ABLIM1: variants seen among roughly 807,000 people sequenced by gnomAD.
The protein encoded by ABLIM1 is actin binding LIM protein 1.
Under a neutral mutation model 107.0 loss-of-function variants are expected in ABLIM1, and 40 were observed. The ratio of observed to expected loss-of-function variants is 0.37; its 90% confidence interval spans 0.29 to 0.49. The LOEUF (loss-of-function observed/expected upper bound fraction) is 0.49, where lower values mean the gene tolerates loss of function less well. ABLIM1 is among the 20% of genes least tolerant of loss of function. The pLI is 0.97. For missense variants in ABLIM1, 857 were observed against 1,008.5 expected (o/e 0.85, Z 2.04); for synonymous variants, 357 against 357.3 (o/e 1.00, Z 0.01).
chr10:114,598,295 A>AAAG (rs71007479), intron 2 of ABLIM1, among the ~76,000 whole-genome samples: 1 of 149,602 alleles, frequency 6.7e-6, no homozygotes, highest in African/African-American at 2.5e-5. Context: ...AAAAAAAAAA[A>AAAG]GGAAATGTGC....
At chr10:114,596,299 A>C (rs2075407497) in intron 2 of ABLIM1, among the ~76,000 whole-genome samples, 1 of 152,176 alleles carries the variant, frequency 6.6e-6, no homozygotes, top group South Asian at 2.1e-4. Context: ...AATGTTGCTT[A>C]CTTGTACGTC....
intron 2 of ABLIM1, among the ~76,000 whole-genome samples, chr10:114,600,353 T>C (rs2075857171): frequency 6.6e-6 from 1 of 152,166 alleles, no homozygotes; most frequent in Non-Finnish European, 1.5e-5. Context: ...TTGTAACGCT[T>C]GTCATGCGCT....
intron 1 of ABLIM1, among the ~76,000 whole-genome samples, chr10:114,672,420 C>T (rs117365489): frequency 0.047 from 7,208 of 152,178 alleles, 218 homozygotes; most frequent in Middle Eastern, 0.082. Context: ...AGAGTGGTCT[C>T]GAGCTCCTGA....
intron 13 of ABLIM1, 106 bp from the exon 14 acceptor site, chr10:114,451,777 A>C: frequency 1.1e-6 from 1 of 944,332 alleles, no homozygotes; most frequent in South Asian, 1.6e-5. Flanking sequence ...GAACAAAAAC[A>C]ACCCAGAAGG....
chr10:114,553,574 A>C (rs1258788632), intron 4 of ABLIM1, among the ~76,000 whole-genome samples: 1 of 152,164 alleles, frequency 6.6e-6, no homozygotes, highest in Non-Finnish European at 1.5e-5. Context: ...ACAGCAGGAG[A>C]GTGGTGTTCC....
intron 1 of ABLIM1, among the ~76,000 whole-genome samples, chr10:114,610,107 C>T (rs58243272): frequency 0.013 from 1,965 of 152,262 alleles, 39 homozygotes; most frequent in African/African-American, 0.044. Flanking sequence ...TGCCCACCTG[C>T]GTCATCATTC....
At chr10:114,562,001 T>C (rs17092059) in intron 4 of ABLIM1, among the ~76,000 whole-genome samples, 2,815 of 152,300 alleles carry the variant, frequency 0.018, 79 homozygotes, top group African/African-American at 0.064. Flanking sequence ...ATATTACTGT[T>C]CCTCTTTGCA....
At chr10:114,448,456 CTCTCCTAG>C (rs1565273048) in intron 14 of ABLIM1, among the ~76,000 whole-genome samples, 1 of 152,142 alleles carries the variant, frequency 6.6e-6, no homozygotes, top group Admixed American at 6.5e-5. Context: ...GTGGACAACA[CTCTCCTAG>C]AGTAATTAGT....
At chr10:114,565,643 A>AT (rs1278897077) in intron 4 of ABLIM1, among the ~76,000 whole-genome samples, 13 of 151,166 alleles carry the variant, frequency 8.6e-5, no homozygotes, top group East Asian at 5.8e-4. Flanking sequence ...CCTGACAATG[A>AT]TTTTTTTTTA....
intron 3 of ABLIM1, among the ~76,000 whole-genome samples, chr10:114,572,971 C>T (rs192134167): frequency 1.2e-3 from 188 of 152,308 alleles, no homozygotes; most frequent in Non-Finnish European, 2.4e-3. Flanking sequence ...CCACCCAAGC[C>T]CAAGCCTTCC....
intron 22 of ABLIM1, among the ~76,000 whole-genome samples, chr10:114,437,421 C>A (rs538075212): frequency 6.0e-5 from 9 of 151,106 alleles, no homozygotes; most frequent in Admixed American, 2.0e-4. Flanking sequence ...TGGATTCAAG[C>A]GATTCTCCTG....
At chr10:114,603,181 T>C (rs1396576554) in intron 1 of ABLIM1, among the ~76,000 whole-genome samples, 1 of 152,184 alleles carries the variant, frequency 6.6e-6, no homozygotes, top group Non-Finnish European at 1.5e-5. Flanking sequence ...TGTGGGCAGA[T>C]ATTGCTGAAA....
chr10:114,673,257 AAAAAAAAAAAAAAC>A (rs2080333129), intron 1 of ABLIM1, among the ~76,000 whole-genome samples: 1 of 14,422 alleles, frequency 6.9e-5, no homozygotes. Context: ...GACTCCAGCT[AAAAAAAAAAAAAAC>A]AAAAAAAAAA....
intron 1 of ABLIM1, among the ~76,000 whole-genome samples, chr10:114,682,013 T>C (rs747358599): frequency 6.6e-6 from 1 of 152,238 alleles, no homozygotes; most frequent in Non-Finnish European, 1.5e-5. Flanking sequence ...ATCGGCACGA[T>C]GCATTTTCCC....
At chr10:114,631,809 G>C in intron 1 of ABLIM1, 1 of 1,245,490 alleles carries the variant, frequency 8.0e-7, no homozygotes, top group East Asian at 6.2e-5. Flanking sequence ...TGTCCGCCCG[G>C]CTTTCGATTG....
intron 1 of ABLIM1, among the ~76,000 whole-genome samples, chr10:114,764,140 A>G (rs2082823091): frequency 2.0e-5 from 3 of 152,224 alleles, no homozygotes; most frequent in African/African-American, 7.2e-5. Context: ...TAATTCAAAA[A>G]TCAAAATATA....
upstream of ABLIM1, among the ~76,000 whole-genome samples, chr10:114,689,205 C>T (rs1460263556): frequency 6.6e-6 from 1 of 152,038 alleles, no homozygotes; most frequent in African/African-American, 2.4e-5. Flanking sequence ...GGCAGAAGAC[C>T]CAGCTTCGTG....
At chr10:114,719,361 T>A (rs1014038647) in intron 1 of ABLIM1, among the ~76,000 whole-genome samples, 1 of 152,158 alleles carries the variant, frequency 6.6e-6, no homozygotes, top group Non-Finnish European at 1.5e-5. Context: ...GGATCTCTAT[T>A]CACCTACGAA....
At chr10:114,649,862 C>CT (rs36021593) in intron 1 of ABLIM1, among the ~76,000 whole-genome samples, 18 of 146,050 alleles carry the variant, frequency 1.2e-4, no homozygotes, top group Admixed American at 2.0e-4. Context: ...TCTTTTTTTT[C>CT]TTTTTTTTTT....
Sources: gnomAD v4.1 joint callset for allele counts (sites outside exome capture counted in the v4.1 genomes callset) on GRCh38, gnomAD v4.1.1 for gene constraint, MANE v1.5 for transcripts, NCBI Gene and HGNC (gene_info 2026-07-23, HGNC 2026-07-21) for gene names.